Variants in PMS2 observed in about 807,000 individuals in gnomAD.
The protein encoded by PMS2 is PMS1 homolog 2, mismatch repair system component.
PMS2 carries 69 observed loss-of-function variants against 90.0 expected under a neutral mutation model. That is an observed-to-expected ratio of 0.77 (90% CI 0.63 to 0.94). The LOEUF (loss-of-function observed/expected upper bound fraction) is 0.94. Ranked by LOEUF, PMS2 falls within the 40% of genes least tolerant of loss-of-function variation. The pLI is 0.00. For synonymous variants in PMS2, 332 were observed against 375.1 expected, an observed-to-expected ratio of 0.89 and a Z score of 1.33; for missense variants, 966 against 1,040.2, an observed-to-expected ratio of 0.93 and a Z score of 0.98.
rs143162541 is a variant in PMS2, at chr7:6,003,982, G to C, written c.240C>G (p.Phe80Leu). The C allele has an allele frequency of 1.3e-6, 2 of 1,595,262 alleles. No individual in the cohort carries two copies. The highest frequency in any genetic ancestry group is 1.7e-6 in the Non-Finnish European group (2 of 1,164,792). Residue 80 changes from phenylalanine (F) to leucine (L), a missense_variant, in exon 3 of 15, where the codon TTC (phenylalanine) becomes TTG (leucine). This residue lies in a region of PMS2 where 871 missense variants were observed against 802.4 expected (regional missense o/e 1.09). Transcript: ENST00000265849. ...AAAAAGTCAACTTACTTAAGCCTTC[G>C]AAGTTTTCTTCTTCTACCCCACATC... ...DNGCGVEEEN[F>L]EGLTLKHHTS...
intron 7 of PMS2, among the ~76,000 whole-genome samples, chr7:5,996,795 C>G (rs1439239625): frequency 2.6e-5 from 4 of 151,962 alleles, no homozygotes; most frequent in Non-Finnish European, 4.4e-5. Context: ...AAGACCTGCT[C>G]AACAGAAAAC....
chr7:6,002,820 CA>C (rs2128820707), intron 4 of PMS2, among the ~76,000 whole-genome samples, 184 bp from the exon 5 acceptor site: 1 of 152,300 alleles, frequency 6.6e-6, no homozygotes, highest in South Asian at 2.1e-4. Flanking sequence ...ATCTAAAAGA[CA>C]GTGAGACAGA....
rs1364918195 is a variant in PMS2, at chr7:6,002,522, T to A, written c.468A>T (p.Thr156=). 2 of 1,611,768 alleles carry A rather than the reference T, an allele frequency of 1.2e-6. No individual in the cohort carries two copies. The highest frequency in any genetic ancestry group is 8.5e-7 in the Non-Finnish European group (1 of 1,179,622). Residue 156 remains threonine (T), a synonymous_variant, in exon 5 of 15, where the codon ACA becomes ACT. Transcript: ENST00000265849. ...KTPYPRPRGT[T]VSVQQLFSTL... is the part of the protein sequence containing the mutation. ...TGGAAAATAACTGCTGCACGCTGAC[T>A]GTGGTCCCTCTGGGGCGGGGGTAGG... is the stretch of plus-strand genomic sequence containing the variant.
chr7:6,003,747 G>C lies in PMS2; in HGVS notation c.296C>G (p.Thr99Ser), dbSNP rs786202835. Residue 99 changes from threonine (T) to serine (S), a missense_variant, in exon 4 of 15, where the codon ACT (threonine) becomes AGT (serine). By Grantham distance (58) the Thr-to-Ser change is moderately conservative. Transcript: ENST00000265849. ...CCGAAAGCCAAAAGTTTCAACCTGAGTTAGGTCGGCAAACTCTTGAATCTT... is the reference window on the plus strand; with the variant it reads ...CCGAAAGCCAAAAGTTTCAACCTGACTTAGGTCGGCAAACTCTTGAATCTT... ...TSKIQEFADL[T>S]QVETFGFRGE... 1 of 1,603,180 alleles carries C rather than the reference G, an allele frequency of 6.2e-7. No homozygotes were observed. Among genetic ancestry groups the C allele is most frequent in the Non-Finnish European group, 8.5e-7 (1 of 1,179,344 alleles).
intron 5 of PMS2, 192 bp downstream of exon 5, chr7:6,002,261 T>C (rs1005200021): frequency 2.9e-5 from 16 of 559,954 alleles, no homozygotes; most frequent in African/African-American, 2.6e-4. Context: ...ATAAACACTA[T>C]GTGATGAAAA....
At chr7:5,983,721 G>A (rs191686113) in intron 11 of PMS2, among the ~76,000 whole-genome samples, 1 of 151,096 alleles carries the variant, frequency 6.6e-6, no homozygotes, top group Non-Finnish European at 1.5e-5. Context: ...GCGTGACCGT[G>A]GCTCACTGCA....
At chr7:6,005,710 AGCT>A (rs572162686) in intron 2 of PMS2, among the ~76,000 whole-genome samples, 179 bp downstream of exon 2, 374 of 152,340 alleles carry the variant, frequency 2.5e-3, no homozygotes, top group Admixed American at 7.8e-3. Context: ...ACACAATAAA[AGCT>A]GTTATTATTA....
At position 5,987,454 on chromosome 7, in the gene PMS2, T is replaced by C. The variant is rs1554297898; in HGVS notation, c.1311A>G (p.Pro437=). ...RHTTENKPHS[P]KTPEPRRSPL... ...GGCTCCTTCTTGGTTCTGGAGTCTT[T>C]GGGCTGTGAGGCTTGTTCTCTGTTG... Residue 437 remains proline, a synonymous_variant, in exon 11 of 15, where the codon CCA becomes CCG. Coordinates refer to ENST00000265849, the MANE Select transcript of PMS2 (RefSeq NM_000535.7). 1 of 1,614,136 alleles carries C rather than the reference T, an allele frequency of 6.2e-7. No homozygotes were observed. Among genetic ancestry groups the C allele is most frequent in the Non-Finnish European group, 8.5e-7 (1 of 1,179,984 alleles).
In PMS2 at chr7:5,987,240, G is replaced by C. The variant is rs2128728759; in HGVS notation, c.1525C>G (p.Pro509Ala). The C allele has an allele frequency of 1.2e-6, 2 of 1,614,030 alleles. No individual in the cohort carries two copies. The highest frequency in any genetic ancestry group is 1.7e-6 in the Non-Finnish European group (2 of 1,180,014). Reference sequence around the variant, plus strand: ...CTGCTGCAGTGACTGCCCGTGTCTGGGATGCTGAACCCCTCAGAATCCACG... The same window carrying C: ...CTGCTGCAGTGACTGCCCGTGTCTGCGATGCTGAACCCCTCAGAATCCACG... ...TSVDSEGFSI[P>A]DTGSHCSSEY... The change falls in exon 11 of 15, where the codon CCA (proline) becomes GCA (alanine). Residue 509 changes from proline (P) to alanine (A), a missense_variant. By Grantham distance (27) the Pro-to-Ala change is conservative. This residue lies in a region of PMS2 where 871 missense variants were observed against 802.4 expected (regional missense o/e 1.09). Coordinates refer to ENST00000265849, the MANE Select transcript of PMS2 (RefSeq NM_000535.7).
At chr7:5,979,213 A>AG (rs1269439249) in intron 12 of PMS2, among the ~76,000 whole-genome samples, 1 of 143,396 alleles carries the variant, frequency 7.0e-6, no homozygotes, top group African/African-American at 2.7e-5. Flanking sequence ...AAAAAAAAAA[A>AG]AAAAAAAAAA....
rs1554306581 is a variant in PMS2, at chr7:6,006,008, T to C, written c.47A>G (p.Lys16Arg). ...SSSTEPAKAI[K>R]PIDRKSVHQI... ...ATGGACTGACTTCCGATCAATAGGT[T>C]TGATGGCCTTAGCAGGTTCTGTACT... is the stretch of plus-strand genomic sequence containing the variant. The change falls in exon 2 of 15, where the codon AAA becomes AGA. Residue 16 changes from lysine (K) to arginine (R), a missense_variant. Around this residue, in one of 2 missense-constraint regions of PMS2, gnomAD observed 871 missense variants for 802.4 expected, o/e 1.09. Transcript: ENST00000265849. 1.2e-6 allele frequency: 2 copies of C among 1,610,630 alleles called. No individual in the cohort carries two copies. Among genetic ancestry groups the C allele is most frequent in the African/African-American group, 1.3e-5 (1 of 74,856 alleles).
Position 5,987,189 on chromosome 7 carries a change from C to G in PMS2, c.1576G>C (p.Asp526His), listed in dbSNP as rs63750686. The G allele has an allele frequency of 6.2e-7, 1 of 1,614,002 alleles. No homozygotes were observed. Among genetic ancestry groups the G allele is most frequent in the Non-Finnish European group, 8.5e-7 (1 of 1,179,944 alleles). The change falls in exon 11 of 15, where the codon GAC (aspartate) becomes CAC (histidine). Residue 526 changes from aspartate to histidine, a missense_variant. By Grantham distance (81) the Asp-to-His change is moderately conservative (BLOSUM62 -1). Around this residue, in one of 2 missense-constraint regions of PMS2, gnomAD observed 871 missense variants for 802.4 expected, o/e 1.09. Coordinates refer to ENST00000265849, the MANE Select transcript of PMS2 (RefSeq NM_000535.7). ...SSEYAASSPG[D>H]RGSQEHVDSQ... ...TCCACATGTTCCTGCGAGCCCCTGT[C>G]CCCTGGGGAGCTGGCCGCATACTCG...
intron 11 of PMS2, among the ~76,000 whole-genome samples, 163 bp from the exon 12 acceptor site, chr7:5,983,154 C>T (rs144069993): frequency 0.02 from 3,026 of 151,558 alleles, 139 homozygotes; most frequent in African/African-American, 0.069. Context: ...GTTCTGTCAC[C>T]CAGGCTACAG....
At chr7:5,988,866 G>A (rs1333774044) in intron 10 of PMS2, among the ~76,000 whole-genome samples, 2 of 151,778 alleles carry the variant, frequency 1.3e-5, no homozygotes, top group Non-Finnish European at 2.9e-5. Flanking sequence ...TTGTTTGTCT[G>A]TTTTTTTGAG....
Position 5,986,923 on chromosome 7 carries a change from T to C in PMS2, c.1842A>G (p.Lys614=), listed in dbSNP as rs2128722527. Residue 614 remains lysine (K), a synonymous_variant, in exon 11 of 15, where the codon AAA becomes AAG. Coordinates refer to ENST00000265849, the MANE Select transcript of PMS2 (RefSeq NM_000535.7). Reference sequence around the variant, plus strand: ...TCATAGAAAAGTCCAGGGGCACAACTTTCTTATTAATTTTCACAGCTACAT... The same window carrying C: ...TCATAGAAAAGTCCAGGGGCACAACCTTCTTATTAATTTTCACAGCTACAT... The part of the protein sequence containing the change: ...QVDVAVKINK[K]VVPLDFSMSS... The C allele has an allele frequency of 6.2e-7, 1 of 1,614,178 alleles. No homozygotes were observed. The highest frequency in any genetic ancestry group is 2.2e-5 in the East Asian group (1 of 44,886).
At chr7:5,978,812 C>G (rs1378011194) in intron 12 of PMS2, 116 bp from the exon 13 acceptor site, 4 of 1,242,416 alleles carry the variant, frequency 3.2e-6, no homozygotes, top group Admixed American at 2.0e-5. Flanking sequence ...AATAACAACA[C>G]AAATAACAAC....
chr7:5,983,825 T>A (rs1232077680), intron 11 of PMS2, among the ~76,000 whole-genome samples: 1 of 151,566 alleles, frequency 6.6e-6, no homozygotes, highest in Non-Finnish European at 1.5e-5. Flanking sequence ...CTAATTTTTT[T>A]ATTTTTAGTA....
Position 5,992,052 on chromosome 7 carries a change from G to A in PMS2, c.909C>T (p.Cys303=), listed in dbSNP as rs1199497563. The A allele has an allele frequency of 6.5e-7, 1 of 1,543,160 alleles. No homozygotes were observed. Among genetic ancestry groups the A allele is most frequent in the Non-Finnish European group, 9.0e-7 (1 of 1,115,606 alleles). The change falls in exon 9 of 15, where the codon TGC becomes TGT. Residue 303 remains cysteine (C), a synonymous_variant. Coordinates refer to ENST00000265849, the MANE Select transcript of PMS2 (RefSeq NM_000535.7). ...NRRPCDPAKV[C]RLVNEVYHMY... is the part of the protein sequence containing the mutation. ...TGTGGTAGACCTCATTCACGAGTCT[G>A]CAGACCTGCACAAAATACAAGGAGT...
chr7:6,007,392 A>G (rs1224242502), intron 1 of PMS2, among the ~76,000 whole-genome samples: 2 of 152,166 alleles, frequency 1.3e-5, no homozygotes, highest in African/African-American at 4.8e-5. Context: ...CTAGGATTAC[A>G]GGGGACCGCA....
Sources: gnomAD v4.1 joint callset for allele counts (sites outside exome capture counted in the v4.1 genomes callset) on GRCh38, gnomAD v4.1.1 for gene constraint, gnomAD v4.1.1 regional missense constraint, MANE v1.5 for transcripts, NCBI Gene and HGNC (gene_info 2026-07-23, HGNC 2026-07-21) for gene names.